Variants in SYCE2 observed in about 807,000 individuals in gnomAD.
The protein encoded by SYCE2 is synaptonemal complex central element protein 2, also known as central element synaptonemal complex 1.
Under a neutral mutation model 27.9 loss-of-function variants are expected in SYCE2, and 3 were observed. The observed-to-expected ratio is 0.11, with a 90% CI of 0.05 to 0.28. The LOEUF (loss-of-function observed/expected upper bound fraction) is 0.28. SYCE2 is among the 10% of genes least tolerant of loss of function. SYCE2 has a pLI of 1.00. For missense variants in SYCE2, 207 were observed against 263.5 expected (o/e 0.79, Z 1.48); for synonymous variants, 85 against 100.7 (o/e 0.84, Z 0.93).
At chr19:12,913,589 C>T (rs1490264683) in intron 2 of SYCE2, among the ~76,000 whole-genome samples, 1 of 152,148 alleles carries the variant, frequency 6.6e-6, no homozygotes, top group Non-Finnish European at 1.5e-5. Flanking sequence ...GTTCCTCAAC[C>T]TCTCCTTTTC....
rs550911838 is a variant in SYCE2, at chr19:12,909,313, A to C, written c.132-4647T>G. On this transcript the variant is annotated intron_variant, in intron 2 of 5. Transcript: ENST00000293695. ...ATGCCTCTCTCCTGAGGACCCAAGA[A>C]TATATGAAACCTCCCAGCCTCCCCA... 2.1e-4 allele frequency among the ~76,000 whole-genome samples: 32 copies of C among 152,276 alleles called. 1 individual carries two copies. In the South Asian group the frequency reaches 4.6e-3, roughly 22 times the overall value.
At chr19:12,904,397 A>C in intron 3 of SYCE2, 95 bp downstream of exon 3, 9 of 1,471,032 alleles carry the variant, frequency 6.1e-6, no homozygotes, top group Non-Finnish European at 8.5e-6. Context: ...TGAATGGCCT[A>C]GCACCGTGCC....
chr19:12,903,706 C>T (rs544789598), intron 3 of SYCE2, among the ~76,000 whole-genome samples: 7 of 151,474 alleles, frequency 4.6e-5, no homozygotes, highest in East Asian at 1.9e-4. Context: ...ATTTTTGAGA[C>T]GAAATCTTGC....
chr19:12,899,086 A>C lies in SYCE2; in HGVS notation c.*255T>G. The C allele has an allele frequency of 1.8e-6, 1 of 545,876 alleles. No individual in the cohort carries two copies. The highest frequency in any genetic ancestry group is 3.3e-6 in the Non-Finnish European group (1 of 304,024). 33.8% of individuals were successfully genotyped at this position (545,876 alleles called of 1,614,324 possible). ...GCAAGGAAGCGTGGCCAGGTTGAAA[A>C]TCAAACATTTAATAAACTGTGGGGC... On this transcript the variant is annotated 3_prime_UTR_variant, in exon 6 of 6. Transcript: ENST00000293695.
chr19:12,901,353 G>A (rs1970834501), intron 3 of SYCE2, among the ~76,000 whole-genome samples: 1 of 150,286 alleles, frequency 6.7e-6, no homozygotes, highest in Non-Finnish European at 1.5e-5. Context: ...TCTAACCTGG[G>A]CAACAAGAGC....
At chr19:12,905,425 G>A (rs1354761967) in intron 2 of SYCE2, among the ~76,000 whole-genome samples, 2 of 151,728 alleles carry the variant, frequency 1.3e-5, no homozygotes, top group African/African-American at 4.8e-5. Context: ...TCCACCTCCC[G>A]GGTTCATGCC....
At chr19:12,900,744 T>G in intron 3 of SYCE2, 96 bp from the exon 4 acceptor site, 1 of 1,230,694 alleles carries the variant, frequency 8.1e-7, no homozygotes, top group Non-Finnish European at 1.1e-6. Context: ...CAATTTATCT[T>G]ATGAAAATGA....
Position 12,918,270 on chromosome 19 carries a change from G to C in SYCE2, c.83C>G (p.Pro28Arg). The C allele has an allele frequency of 6.2e-7, 1 of 1,614,158 alleles. No individual in the cohort carries two copies. The stretch of plus-strand genomic sequence containing the variant: ...CTCCTCGCAGTTCTCTTCCCACCGC[G>C]GATGCTCCTTGCTCTCCCCCAAGGG... ...PQPLGESKEHPRWEENCEEEA... is the reference protein window; with the variant it reads ...PQPLGESKEHRRWEENCEEEA... Residue 28 changes from proline to arginine, a missense_variant, in exon 2 of 6, where the codon CCG becomes CGG. Pro to Arg is a moderately radical substitution (Grantham distance 103, BLOSUM62 -2). Coordinates refer to ENST00000293695, the MANE Select transcript of SYCE2 (RefSeq NM_001105578.2).
intron 5 of SYCE2, 170 bp from the exon 6 acceptor site, chr19:12,899,555 G>A (rs1401540734): frequency 6.2e-7 from 1 of 1,614,132 alleles, no homozygotes; most frequent in Admixed American, 1.7e-5. Context: ...GCTCCATCAG[G>A]GGCCCGAAAC....
intron 2 of SYCE2, among the ~76,000 whole-genome samples, chr19:12,913,715 A>C (rs989921540): frequency 4.6e-5 from 7 of 152,058 alleles, no homozygotes; most frequent in African/African-American, 1.7e-4. Context: ...GTTCCTGTGG[A>C]GCTCCTTGAA....
At chr19:12,903,162 G>A (rs1310293427) in intron 3 of SYCE2, among the ~76,000 whole-genome samples, 1 of 147,870 alleles carries the variant, frequency 6.8e-6, no homozygotes, top group African/African-American at 2.5e-5. Context: ...CGGGATCTCT[G>A]CTCACTGCAA....
intron 2 of SYCE2, chr19:12,906,318 A>C (rs939311155): frequency 5.3e-5 from 8 of 152,228 alleles, no homozygotes; most frequent in Non-Finnish European, 1.0e-4. Flanking sequence ...ATTTAAAGAA[A>C]TGCGCACACA....
chr19:12,899,406 A>AT (rs757434577), intron 5 of SYCE2, 21 bp from the exon 6 acceptor site: 5 of 1,614,100 alleles, frequency 3.1e-6, no homozygotes, highest in Non-Finnish European at 4.2e-6. Context: ...ATGAAAATTG[A>AT]TTTTAAAGGG....
chr19:12,910,148 AG>A, intron 2 of SYCE2, among the ~76,000 whole-genome samples: 1 of 152,172 alleles, frequency 6.6e-6, no homozygotes, highest in African/African-American at 2.4e-5. Flanking sequence ...TACAGGCGTG[AG>A]CCACCATGCC....
intron 2 of SYCE2, among the ~76,000 whole-genome samples, chr19:12,911,225 C>T (rs182788305): frequency 1.3e-5 from 2 of 152,104 alleles, no homozygotes; most frequent in African/African-American, 2.4e-5. Flanking sequence ...AATCCTGCCT[C>T]GGCCCCCAAA....
At position 12,908,097 on chromosome 19, in the gene SYCE2, C is replaced by T. The variant is rs558073146; in HGVS notation, c.132-3431G>A. ...CTGCACTGGAGCCTAGATGATATCA[C>T]GCCACTGTACTCCAGCCTGGGCGAC... On this transcript the variant is annotated intron_variant, in intron 2 of 5. Coordinates refer to ENST00000293695, the MANE Select transcript of SYCE2 (RefSeq NM_001105578.2). Among the ~76,000 whole-genome samples the T allele has an allele frequency of 3.2e-4, 48 of 151,020 alleles. 2 individuals are homozygous for T. The highest frequency in any genetic ancestry group is 2.1e-3 in the South Asian group (10 of 4,734).
At chr19:12,909,675 T>A (rs936214380) in intron 2 of SYCE2, among the ~76,000 whole-genome samples, 3 of 152,122 alleles carry the variant, frequency 2.0e-5, no homozygotes, top group African/African-American at 4.8e-5. Context: ...CAAGCGATTC[T>A]CTTGCCTCAG....
intron 3 of SYCE2, among the ~76,000 whole-genome samples, chr19:12,903,575 CG>C (rs1970882999): frequency 6.6e-6 from 1 of 151,892 alleles, no homozygotes; most frequent in African/African-American, 2.4e-5. Flanking sequence ...TTCATAGAGA[CG>C]GGGTTTCACC....
chr19:12,909,800 A>T (rs1971010195), intron 2 of SYCE2, among the ~76,000 whole-genome samples: 1 of 151,882 alleles, frequency 6.6e-6, no homozygotes, highest in Non-Finnish European at 1.5e-5. Flanking sequence ...TCCCGACCTC[A>T]GGTGATCCGC....
Sources: allele counts gnomAD v4.1 joint callset (sites outside exome capture counted in the v4.1 genomes callset), GRCh38; gene constraint gnomAD v4.1.1; transcripts MANE v1.5; gene names NCBI Gene and HGNC (gene_info 2026-07-23, HGNC 2026-07-21).